The following PATL2 variants were observed in gnomAD, a reference collection of about 807,000 sequenced individuals.
The protein encoded by PATL2 is PAT1 homolog 2, also known as protein PAT1 homolog 2.
In PATL2, 73 loss-of-function variants were observed where a neutral mutation model predicts 77.0. The ratio of observed to expected loss-of-function variants is 0.95; its 90% CI spans 0.78 to 1.15. PATL2 has a LOEUF of 1.15. Among genes scored for constraint, PATL2 ranks in the 50% most tolerant of loss-of-function variants. PATL2 has a pLI of 0.00. For missense variants in PATL2, 618 were observed against 655.4 expected (o/e 0.94, Z 0.62); for synonymous variants, 265 against 257.1 (o/e 1.03, Z -0.29).
chr15:44,669,392 T>C lies in PATL2; in HGVS notation c.952A>G (p.Ile318Val), dbSNP rs1336614594. 6.4e-7 allele frequency: 1 copy of C among 1,551,114 alleles called. No individual in the cohort carries two copies. The highest frequency in any genetic ancestry group is 1.4e-5 in the African/African-American group (1 of 73,144). Reference sequence around the variant, plus strand: ...GGCCTATACTTCCAGCCTTCCTCTATTTCTAGTAACTGAAGGAACATCTGG... The same window carrying C: ...GGCCTATACTTCCAGCCTTCCTCTACTTCTAGTAACTGAAGGAACATCTGG... ...IEKMFLQLLE[I>V]EEGWKYRPPP... The change falls in exon 13 of 18, where the codon ATA becomes GTA. Residue 318 changes from isoleucine to valine, a missense_variant. Ile to Val is a conservative substitution (Grantham distance 29, BLOSUM62 3). Transcript: ENST00000682850.
chr15:44,697,729 C>T (rs956921643), intron 3 of PATL2, among the ~76,000 whole-genome samples: 8 of 152,058 alleles, frequency 5.3e-5, no homozygotes, highest in Non-Finnish European at 7.4e-5. Flanking sequence ...TATTTTCTAG[C>T]GGAAAGATTG....
chr15:44,669,879 A>G lies in PATL2; in HGVS notation c.779-5T>C, dbSNP rs1452222241. ...GGGAACCCTCGATTCGGACCACTGC[A>G]TGAGAAGAGAGGCACATTTCCTTCC... On this transcript the variant is annotated splice_region_variant and splice_polypyrimidine_tract_variant and intron_variant, in intron 10 of 17. Transcript: ENST00000682850. 1.0e-5 allele frequency: 16 copies of G among 1,551,526 alleles called. No homozygotes were observed. Among genetic ancestry groups the G allele is most frequent in the Non-Finnish European group, 1.4e-5 (16 of 1,146,942 alleles).
chr15:44,671,129 C>A (rs2085651991), intron 9 of PATL2, among the ~76,000 whole-genome samples: 1 of 152,156 alleles, frequency 6.6e-6, no homozygotes, highest in Non-Finnish European at 1.5e-5. Context: ...AGGAAAAATA[C>A]CTAATGTAAA....
In PATL2 at chr15:44,682,736, G is replaced by A. The variant is rs748026989; in HGVS notation, c.-75-6171C>T. Among the ~76,000 whole-genome samples the A allele has an allele frequency of 4.1e-4, 63 of 152,200 alleles. 1 individual carries two copies. The highest frequency in any genetic ancestry group is 4.9e-4 in the Non-Finnish European group (33 of 68,034). On this transcript the variant is annotated intron_variant, in intron 3 of 17. Coordinates refer to ENST00000682850, the MANE Select transcript of PATL2 (RefSeq NM_001387263.1). ...ACTTCTATATTGAAGACATATTTAT[G>A]CCAAAGTAAATGCTAGATGGAGCAA...
intron 14 of PATL2, 31 bp downstream of exon 14, chr15:44,668,949 C>T (rs1292246390): frequency 4.0e-6 from 6 of 1,500,100 alleles, no homozygotes; most frequent in Non-Finnish European, 4.5e-6. Flanking sequence ...ATTCAGGAGA[C>T]CATCCTCTTC....
chr15:44,692,317 A>G (rs540709818), intron 3 of PATL2, among the ~76,000 whole-genome samples: 13 of 152,326 alleles, frequency 8.5e-5, no homozygotes, highest in African/African-American at 2.6e-4. Flanking sequence ...AATGGCCATG[A>G]ATTTTATAAT....
At chr15:44,681,785 A>G (rs2086138856) in intron 3 of PATL2, among the ~76,000 whole-genome samples, 1 of 152,140 alleles carries the variant, frequency 6.6e-6, no homozygotes, top group Non-Finnish European at 1.5e-5. Context: ...ACACCCCTCA[A>G]CTTACAACAC....
At position 44,666,531 on chromosome 15, in the gene PATL2, C is replaced by T; in HGVS notation, c.1474G>A (p.Val492Met). The stretch of plus-strand genomic sequence containing the variant: ...GCTATCTCCCAGGCAATCAGAACCA[C>T]CATGTCTGTCCTAGAGAGCATAAAT... ...NSDHTAWTDM[V>M]VLIAWEIAQM... The change falls in exon 17 of 18, where the codon GTG (valine) becomes ATG (methionine). Residue 492 changes from valine to methionine, a missense_variant. Coordinates refer to ENST00000682850, the MANE Select transcript of PATL2 (RefSeq NM_001387263.1). The T allele has an allele frequency of 3.2e-6, 5 of 1,549,768 alleles. 1 individual carries two copies. The South Asian group carries it at 6.0e-5, about 18-fold the overall frequency.
At chr15:44,668,927 G>T in intron 14 of PATL2, 53 bp downstream of exon 14, 2 of 1,448,014 alleles carry the variant, frequency 1.4e-6, no homozygotes, top group South Asian at 3.0e-5. Flanking sequence ...GGGGAGGAAT[G>T]ACCCCTAACC....
intron 3 of PATL2, among the ~76,000 whole-genome samples, chr15:44,692,725 G>T (rs1224257756): frequency 6.6e-6 from 1 of 152,242 alleles, no homozygotes; most frequent in Non-Finnish European, 1.5e-5. Context: ...AAAACTTTGG[G>T]ATATCTTTGT....
In PATL2 at chr15:44,669,390, T is replaced by C. The variant is rs1385212927; in HGVS notation, c.954A>G (p.Ile318Met). The C allele has an allele frequency of 1.3e-6, 2 of 1,551,256 alleles. No homozygotes were observed. Among genetic ancestry groups the C allele is most frequent in the Middle Eastern group, 1.7e-4 (1 of 5,990 alleles). ...GAGGCCTATACTTCCAGCCTTCCTC[T>C]ATTTCTAGTAACTGAAGGAACATCT... The part of the protein sequence containing the change: ...IEKMFLQLLE[I>M]EEGWKYRPPP... The change falls in exon 13 of 18, where the codon ATA (isoleucine) becomes ATG (methionine). Residue 318 changes from isoleucine to methionine, a missense_variant. By Grantham distance (10) the Ile-to-Met change is conservative (BLOSUM62 1). Coordinates refer to ENST00000682850, the MANE Select transcript of PATL2 (RefSeq NM_001387263.1).
At chr15:44,667,076 A>C (rs2085410407) in intron 16 of PATL2, 30 bp downstream of exon 16, 1 of 1,483,182 alleles carries the variant, frequency 6.7e-7, no homozygotes, top group Non-Finnish European at 9.2e-7. Flanking sequence ...AGGGTACTAG[A>C]TAGTATTTAC....
chr15:44,694,976 C>T (rs1425962544), intron 3 of PATL2, among the ~76,000 whole-genome samples: 1 of 152,022 alleles, frequency 6.6e-6, no homozygotes, highest in Non-Finnish European at 1.5e-5. Flanking sequence ...CCCCTAAAAG[C>T]AGTTAGGGAC....
rs116234525 is a variant in PATL2 at position 44,668,532 on chromosome 15, C to T, written c.1225-50G>A. On this transcript the variant is annotated intron_variant, in intron 14 of 17. Transcript: ENST00000682850. Reference sequence around the variant, plus strand: ...CCCAAATTCCACTACAACTTCACCTCCCCTTACCTTGCTTCCACAGTCCCT... The same window carrying T: ...CCCAAATTCCACTACAACTTCACCTTCCCTTACCTTGCTTCCACAGTCCCT... The T allele has an allele frequency of 3.7e-3, 5,718 of 1,534,788 alleles. 170 individuals are homozygous for T. The African/African-American group carries it at 0.068, about 18-fold the overall frequency.
intron 3 of PATL2, among the ~76,000 whole-genome samples, chr15:44,705,181 ACT>A (rs1008586744): frequency 8.7e-5 from 13 of 148,876 alleles, no homozygotes; most frequent in African/African-American, 2.7e-4. Context: ...AAGGCCAATA[ACT>A]CTTTTTTTTT....
chr15:44,672,486 G>A, intron 7 of PATL2, 30 bp from the exon 8 acceptor site: 1 of 1,537,510 alleles, frequency 6.5e-7, no homozygotes, highest in East Asian at 2.4e-5. Flanking sequence ...CGAGCTGGGT[G>A]GAAGGAAGCT....
intron 5 of PATL2, 123 bp from the exon 6 acceptor site, chr15:44,674,353 T>C (rs1254077199): frequency 4.2e-6 from 3 of 708,480 alleles, no homozygotes; most frequent in Admixed American, 3.0e-5. Context: ...TCCAGGGCAG[T>C]GGCAGCTTGG....
rs1231453928 is a variant in PATL2, at chr15:44,672,047, C to T, written c.625G>A (p.Ala209Thr). The T allele has an allele frequency of 5.8e-6, 9 of 1,551,592 alleles. No homozygotes were observed. The highest frequency in any genetic ancestry group is 7.8e-6 in the Non-Finnish European group (9 of 1,147,004). ...TAGTAGTCATCCAGGCGGGGTTTTG[C>T]ACTCTGCAGCTGCACCATCTGCACT... ...IKVQMVQLQSAKPRLDDYYYQ... is the reference protein window; with the variant it reads ...IKVQMVQLQSTKPRLDDYYYQ... Residue 209 changes from alanine (A) to threonine (T), a missense_variant, in exon 9 of 18, where the codon GCA (alanine) becomes ACA (threonine). Physicochemically the swap from Ala to Thr is moderately conservative, Grantham distance 58 (BLOSUM62 0). Transcript: ENST00000682850.
At chr15:44,680,399 AC>A (rs1317738371) in intron 3 of PATL2, among the ~76,000 whole-genome samples, 1 of 151,658 alleles carries the variant, frequency 6.6e-6, no homozygotes, top group Non-Finnish European at 1.5e-5. Context: ...AGTCAACCTC[AC>A]CTCTTATGTT....
Sources: allele counts gnomAD v4.1 joint callset (sites outside exome capture counted in the v4.1 genomes callset), GRCh38; gene constraint gnomAD v4.1.1; transcripts MANE v1.5; gene names NCBI Gene and HGNC (gene_info 2026-07-23, HGNC 2026-07-21).